EXOC4: variants seen among roughly 807,000 people sequenced by gnomAD.
EXOC4 encodes exocyst complex component 4, also known as SEC8-like 1.
A neutral mutation model predicts 107.2 loss-of-function variants in EXOC4; 71 were observed. The ratio of observed to expected loss-of-function variants is 0.66; its 90% CI spans 0.55 to 0.81. The LOEUF (loss-of-function observed/expected upper bound fraction) is 0.81, where lower values mean the gene tolerates loss of function less well. EXOC4 is among the 30% of genes least tolerant of loss of function. The probability of loss-of-function intolerance (pLI) is 0.00; values close to 1 mark genes in which losing one functional copy is unlikely to be tolerated. For synonymous variants in EXOC4, 456 were observed against 441.2 expected (o/e 1.03, Z -0.42); for missense variants, 1,108 against 1,189.6 (o/e 0.93, Z 1.01).
At chr7:133,864,226 G>A (rs1448071667) in intron 11 of EXOC4, among the ~76,000 whole-genome samples, 1 of 152,170 alleles carries the variant, frequency 6.6e-6, no homozygotes, top group Non-Finnish European at 1.5e-5. Flanking sequence ...TGTCTGGATA[G>A]CATTTTACTT....
intron 10 of EXOC4, among the ~76,000 whole-genome samples, chr7:133,693,497 C>G (rs1257190960): frequency 6.8e-6 from 1 of 146,506 alleles, no homozygotes; most frequent in Non-Finnish European, 1.5e-5. Flanking sequence ...ACAGACACAC[C>G]CAGGAACAAT....
intron 17 of EXOC4, among the ~76,000 whole-genome samples, chr7:134,032,103 GCTTTTTATAAGTTCCTTGACC>G: frequency 6.6e-6 from 1 of 152,122 alleles, no homozygotes; most frequent in African/African-American, 2.4e-5. Context: ...GTTGACAAAG[GCTTTTTATAAGTTCCTTGACC>G]TTGATATGAG....
At chr7:133,576,650 T>C (rs777588940) in intron 9 of EXOC4, 3 of 1,289,592 alleles carry the variant, frequency 2.3e-6, no homozygotes. Flanking sequence ...TCTCACTCAG[T>C]TGAAAAAGAA....
chr7:133,486,168 T>G (rs1338425723), intron 9 of EXOC4, among the ~76,000 whole-genome samples: 1 of 152,174 alleles, frequency 6.6e-6, no homozygotes, highest in East Asian at 1.9e-4. Flanking sequence ...GTAAAAAAGC[T>G]CTTATACTGG....
intron 17 of EXOC4, among the ~76,000 whole-genome samples, chr7:134,036,744 G>A (rs532908290): frequency 1.8e-4 from 27 of 152,294 alleles, no homozygotes; most frequent in Non-Finnish European, 3.5e-4. Context: ...GAGACAGAAG[G>A]TTTCTGTGTC....
chr7:133,528,000 G>C (rs1040745422), intron 9 of EXOC4, among the ~76,000 whole-genome samples: 8 of 152,186 alleles, frequency 5.3e-5, no homozygotes, highest in African/African-American at 1.9e-4. Context: ...AACACAGACT[G>C]TTGGGTACCA....
intron 14 of EXOC4, among the ~76,000 whole-genome samples, chr7:133,943,376 A>G (rs1800476203): frequency 6.6e-6 from 1 of 152,216 alleles, no homozygotes; most frequent in Non-Finnish European, 1.5e-5. Context: ...ATTGATGTTA[A>G]CTAATGCTAA....
At chr7:133,339,056 A>G (rs191634920) in intron 5 of EXOC4, among the ~76,000 whole-genome samples, 1 of 152,216 alleles carries the variant, frequency 6.6e-6, no homozygotes, top group East Asian at 1.9e-4. Context: ...CCAGCCCATT[A>G]TATCATTCTT....
At chr7:133,971,361 T>TATAGATAGAGAG (rs1489958236) in intron 14 of EXOC4, among the ~76,000 whole-genome samples, 1 of 75,090 alleles carries the variant, frequency 1.3e-5, no homozygotes, top group Non-Finnish European at 2.4e-5. Flanking sequence ...TATATATATA[T>TATAGATAGAGAG]AGAGAGAGAG....
At chr7:133,618,764 C>G (rs1373913794) in intron 9 of EXOC4, among the ~76,000 whole-genome samples, 1 of 152,064 alleles carries the variant, frequency 6.6e-6, no homozygotes, top group African/African-American at 2.4e-5. Context: ...AAAGTGTATT[C>G]TACCTTGGAG....
intron 17 of EXOC4, among the ~76,000 whole-genome samples, chr7:134,019,963 AG>A (rs1794991930): frequency 6.6e-6 from 1 of 152,100 alleles, no homozygotes; most frequent in South Asian, 2.1e-4. Context: ...GGTTTTGCTC[AG>A]CTGTCAGGTG....
Position 133,938,020 on chromosome 7 carries a change from G to C in EXOC4, c.2157G>C (p.Trp719Cys), listed in dbSNP as rs748588131. Residue 719 changes from tryptophan (W) to cysteine (C), a missense_variant, in exon 14 of 18, where the codon TGG (tryptophan) becomes TGC (cysteine). Trp to Cys is a radical substitution (Grantham distance 215, BLOSUM62 -2). Coordinates refer to ENST00000253861, the MANE Select transcript of EXOC4 (RefSeq NM_021807.4). ...CCAACATGCATGAAAGCCTGGAATGGTTGGCAAGTCGAACAAAGTCAGCTT... is the reference window on the plus strand; with the variant it reads ...CCAACATGCATGAAAGCCTGGAATGCTTGGCAAGTCGAACAAAGTCAGCTT... ...ALANMHESLE[W>C]LASRTKSAFS... The C allele has an allele frequency of 1.5e-5, 25 of 1,614,036 alleles. No homozygotes were observed. The highest frequency in any genetic ancestry group is 2.1e-5 in the Non-Finnish European group (25 of 1,180,036).
rs762634261 is a variant in EXOC4 at position 133,356,462 on chromosome 7, T to C, written c.896T>C (p.Ile299Thr). 4 of 1,614,014 alleles carry C rather than the reference T, an allele frequency of 2.5e-6. No individual in the cohort carries two copies. In the African/African-American group the frequency reaches 5.3e-5, roughly 22 times the overall value. ...AAGATCCCAGAAACAGTTAAGGCAA[T>C]CATAGAGCGCTTGGAGCAGGAGTTG... The part of the protein sequence containing the change: ...LKKIPETVKA[I>T]IERLEQELKQ... The change falls in exon 6 of 18, where the codon ATC becomes ACC. Residue 299 changes from isoleucine to threonine, a missense_variant. Ile to Thr is a moderately conservative substitution (Grantham distance 89). Coordinates refer to ENST00000253861, the MANE Select transcript of EXOC4 (RefSeq NM_021807.4).
At chr7:133,913,998 G>T (rs1256002133) in intron 12 of EXOC4, among the ~76,000 whole-genome samples, 1 of 152,154 alleles carries the variant, frequency 6.6e-6, no homozygotes, top group Non-Finnish European at 1.5e-5. Context: ...AATCAAAAGT[G>T]TTGGATGCTT....
At chr7:133,916,435 C>CTTTTTG (rs1334983933) in intron 12 of EXOC4, among the ~76,000 whole-genome samples, 1 of 152,086 alleles carries the variant, frequency 6.6e-6, no homozygotes, top group Non-Finnish European at 1.5e-5. Flanking sequence ...TAGGCTTCAA[C>CTTTTTG]TTTTTGTTTT....
At chr7:133,629,967 C>A in intron 9 of EXOC4, 78 bp from the exon 10 acceptor site, 2 of 973,782 alleles carry the variant, frequency 2.1e-6, no homozygotes, top group East Asian at 2.4e-5. Flanking sequence ...CAGTATAGGA[C>A]TCATCTAGAT....
chr7:134,052,780 T>C (rs1374350048), intron 17 of EXOC4, among the ~76,000 whole-genome samples: 2 of 152,200 alleles, frequency 1.3e-5, no homozygotes, highest in Non-Finnish European at 2.9e-5. Flanking sequence ...AGATGTGGGA[T>C]TCATGCCTAA....
intron 10 of EXOC4, among the ~76,000 whole-genome samples, chr7:133,638,513 C>T (rs1802767984): frequency 6.6e-6 from 1 of 152,122 alleles, no homozygotes; most frequent in African/African-American, 2.4e-5. Context: ...ACTTCTGTGT[C>T]GCTTCAGCAT....
chr7:134,039,180 T>C (rs1186734313), intron 17 of EXOC4, among the ~76,000 whole-genome samples: 6 of 152,118 alleles, frequency 3.9e-5, no homozygotes, highest in Non-Finnish European at 8.8e-5. Flanking sequence ...AATAGATAAA[T>C]GTATATGTAC....
Sources: gnomAD v4.1 joint callset for allele counts (sites outside exome capture counted in the v4.1 genomes callset) on GRCh38, gnomAD v4.1.1 for gene constraint, MANE v1.5 for transcripts, NCBI Gene and HGNC (gene_info 2026-07-23, HGNC 2026-07-21) for gene names.